Variants in KLHL26 observed in about 807,000 individuals in gnomAD.
The protein encoded by KLHL26 is kelch like family member 26, also known as kelch-like protein 26.
Under a neutral mutation model 7.1 loss-of-function variants are expected in KLHL26, and 4 were observed. The observed-to-expected ratio is 0.56, with a 90% CI of 0.28 to 1.28. The LOEUF (loss-of-function observed/expected upper bound fraction) is 1.28. Ranked by LOEUF, KLHL26 falls within the 50% of genes most tolerant of loss-of-function variation. KLHL26 has a pLI of 0.11. For synonymous variants in KLHL26, 465 were observed against 414.1 expected (o/e 1.12, Z -1.49); for missense variants, 896 against 924.6 (o/e 0.97, Z 0.40).
chr19:18,656,147 G>A lies in KLHL26; in HGVS notation c.84-8114G>A, dbSNP rs1434923893. On this transcript the variant is annotated intron_variant, in intron 1 of 2. Transcript: ENST00000300976. The surrounding 1 kb of genome is among the most constrained non-coding windows in gnomAD (Gnocchi z 4.4). ...CAAGGCTCAGGAAAGGGGAGGCCAC[G>A]CAGCTTGCCCTGGCTTCATGGTGGG... Among the ~76,000 whole-genome samples, 1 of 152,150 alleles carries A rather than the reference G, an allele frequency of 6.6e-6. No individual in the cohort carries two copies. The highest frequency in any genetic ancestry group is 1.5e-5 in the Non-Finnish European group (1 of 68,026).
At chr19:18,642,619 C>T (rs1052447720) in intron 1 of KLHL26, among the ~76,000 whole-genome samples, 2 of 152,064 alleles carry the variant, frequency 1.3e-5, no homozygotes, top group African/African-American at 4.8e-5. Context: ...CTGCCTGGGC[C>T]TCCCAAAGTG....
chr19:18,664,454 G>T lies in KLHL26; in HGVS notation c.266+11G>T. ...CAGCGACTACTTCAGGTAAGTGCTG[G>T]CCCCAGGCAGCTGGAAGGGGCGGCT... On this transcript the variant is annotated intron_variant, in intron 2 of 2. Transcript: ENST00000300976. The T allele has an allele frequency of 6.5e-7, 1 of 1,543,808 alleles. No homozygotes were observed.
Position 18,648,156 on chromosome 19 carries a change from G to A in KLHL26, c.83+11019G>A, listed in dbSNP as rs1976838345. ...GGCCAAGGCGGGTAGATCACTTGAG[G>A]TCAGGAGTTCGAGACCAGCCTGGGC... On this transcript the variant is annotated intron_variant, in intron 1 of 2. Transcript: ENST00000300976. This position sits in a 1 kb window ranked among gnomAD's most constrained non-coding sequence, Gnocchi z 4.9. Among the ~76,000 whole-genome samples the A allele has an allele frequency of 6.6e-6, 1 of 152,282 alleles. No homozygotes were observed. Among genetic ancestry groups the A allele is most frequent in the East Asian group, 1.9e-4 (1 of 5,174 alleles).
intron 1 of KLHL26, among the ~76,000 whole-genome samples, chr19:18,640,316 C>A (rs901757624): frequency 2.0e-5 from 3 of 151,794 alleles, no homozygotes; most frequent in Non-Finnish European, 2.9e-5. Context: ...CTTACTGTAG[C>A]CTCTACCTCC....
Position 18,643,565 on chromosome 19 carries a change from G to A in KLHL26, c.83+6428G>A, listed in dbSNP as rs913649459. Among the ~76,000 whole-genome samples the A allele has an allele frequency of 6.6e-5, 10 of 151,292 alleles. No homozygotes were observed. In the South Asian group the frequency reaches 1.3e-3, roughly 19 times the overall value. On this transcript the variant is annotated intron_variant, in intron 1 of 2. Transcript: ENST00000300976. ...ATGATCTCGGTTCACCAAAACATCC[G>A]CCTCCTGGGTTCAAGCGATTCTCCT...
rs1976860636 is a variant in KLHL26 at position 18,649,355 on chromosome 19, G to A, written c.83+12218G>A. The stretch of plus-strand genomic sequence containing the variant: ...CGAACAGTCTTCGATGCATACCAGA[G>A]GGGAAGCCTCCTGGCATAGCTCTGC... On this transcript the variant is annotated intron_variant, in intron 1 of 2. Coordinates refer to ENST00000300976, the MANE Select transcript of KLHL26 (RefSeq NM_018316.3). The surrounding 1 kb of genome is among the most constrained non-coding windows in gnomAD (Gnocchi z 4.0). Among the ~76,000 whole-genome samples the A allele has an allele frequency of 6.6e-6, 1 of 152,168 alleles. No homozygotes were observed. The highest frequency in any genetic ancestry group is 2.4e-5 in the African/African-American group (1 of 41,430).
At chr19:18,658,341 G>T (rs893487015) in intron 1 of KLHL26, among the ~76,000 whole-genome samples, 1 of 151,766 alleles carries the variant, frequency 6.6e-6, no homozygotes, top group African/African-American at 2.4e-5. Context: ...GGGATTCCAG[G>T]CCCCCCACAG....
Position 18,668,895 on chromosome 19 carries a change from C to G in KLHL26, c.1498C>G (p.Leu500Val), listed in dbSNP as rs781757798. The G allele has an allele frequency of 1.9e-6, 3 of 1,602,166 alleles. No homozygotes were observed. The South Asian group carries it at 3.3e-5, about 18-fold the overall frequency. ...GGCGCCCATGAGCGAACCCCGCGTG[C>G]TACACGCCATGGTGGGTGCCGGCGG... ...FKAPMSEPRVLHAMVGAGGRI... is the reference protein window; with the variant it reads ...FKAPMSEPRVVHAMVGAGGRI... The change falls in exon 3 of 3, where the codon CTA becomes GTA. Residue 500 changes from leucine to valine, a missense_variant. Leu to Val is a conservative substitution (Grantham distance 32). Transcript: ENST00000300976.
Position 18,668,687 on chromosome 19 carries a change from GGA to G in KLHL26, c.1292_1293del (p.Glu431AlafsTer8), listed in dbSNP as rs1400060747. On this transcript the variant is annotated frameshift_variant, in exon 3 of 3. Transcript: ENST00000300976. LOFTEE classifies it low-confidence loss of function (END_TRUNC). ...RNRAGSLASV[E>X]RYCPRRNEWG... The stretch of plus-strand genomic sequence containing the variant: ...ACCGAGCCGGCAGCCTGGCCTCCGT[GGA>G]GCGGTACTGCCCCCGGCGCAATGAG... 1 of 1,575,992 alleles carries G rather than the reference GGA, an allele frequency of 6.3e-7. No individual in the cohort carries two copies. Among genetic ancestry groups the G allele is most frequent in the Admixed American group, 1.7e-5 (1 of 57,482 alleles).
At chr19:18,662,645 C>T (rs1218966134) in intron 1 of KLHL26, among the ~76,000 whole-genome samples, 2 of 152,152 alleles carry the variant, frequency 1.3e-5, no homozygotes, top group Non-Finnish European at 2.9e-5. Context: ...GCATGCCATT[C>T]GTGGGAAGCA....
At chr19:18,658,796 G>T (rs933642540) in intron 1 of KLHL26, among the ~76,000 whole-genome samples, 9 of 140,358 alleles carry the variant, frequency 6.4e-5, no homozygotes, top group African/African-American at 2.4e-4. Context: ...TCTCTCTCTG[G>T]GTTTTTTTCT....
At chr19:18,642,207 ACCT>A (rs1976724328) in intron 1 of KLHL26, among the ~76,000 whole-genome samples, 1 of 151,718 alleles carries the variant, frequency 6.6e-6, no homozygotes, top group Non-Finnish European at 1.5e-5. Context: ...AGCACGACCC[ACCT>A]CCTCGCCTCA....
At chr19:18,654,742 TACCCATCCATTC>T (rs1351295074) in intron 1 of KLHL26, among the ~76,000 whole-genome samples, 1 of 151,048 alleles carries the variant, frequency 6.6e-6, no homozygotes. Context: ...TCCACCCACT[TACCCATCCATTC>T]ACCCGCCCAT....
In KLHL26 at chr19:18,667,191, ACT is replaced by A. The variant is rs869176796; in HGVS notation, c.267-470_267-469del. On this transcript the variant is annotated intron_variant, in intron 2 of 2. Transcript: ENST00000300976. ...TTTTGTTTGTTTGAGACAGAGTCTC[ACT>A]CTTATTGTCCAGGCTGCAGTGCAGC... is the stretch of plus-strand genomic sequence containing the variant. Among the ~76,000 whole-genome samples the A allele has an allele frequency of 2.3e-4, 35 of 149,192 alleles. No homozygotes were observed. The East Asian group carries it at 4.9e-3, about 21-fold the overall frequency.
At chr19:18,651,140 A>G (rs1445288183) in intron 1 of KLHL26, among the ~76,000 whole-genome samples, 1 of 152,170 alleles carries the variant, frequency 6.6e-6, no homozygotes, top group African/African-American at 2.4e-5. Context: ...TTGGGGTGCA[A>G]GGTCTGAAGG....
At position 18,667,644 on chromosome 19, in the gene KLHL26, G is replaced by A. The variant is rs201898161; in HGVS notation, c.267-20G>A. 5 of 1,597,760 alleles carry A rather than the reference G, an allele frequency of 3.1e-6. No homozygotes were observed. Among genetic ancestry groups the A allele is most frequent in the Admixed American group, 3.4e-5 (2 of 59,210 alleles). ...ACCCCTCAGCCACTGCCAGCCACAC[G>A]TTGTGTTTCTGCCCTTCAGGGCCAT... On this transcript the variant is annotated intron_variant, in intron 2 of 2. Transcript: ENST00000300976.
chr19:18,642,777 G>A (rs1207717540), intron 1 of KLHL26, among the ~76,000 whole-genome samples: 1 of 150,234 alleles, frequency 6.7e-6, no homozygotes, highest in African/African-American at 2.5e-5. Flanking sequence ...CTGGGCTCAA[G>A]CTATCCTTCT....
At chr19:18,640,037 G>A (rs527555028) in intron 1 of KLHL26, among the ~76,000 whole-genome samples, 15 of 150,736 alleles carry the variant, frequency 1.0e-4, no homozygotes, top group South Asian at 2.1e-4. Flanking sequence ...AACTGTGTCC[G>A]TCCATACAAT....
At position 18,670,061 on chromosome 19, in the gene KLHL26, A is replaced by T. The variant is rs765225576; in HGVS notation, c.*816A>T. ...GTCCCCTTCCCGCAATTGGAGGGCG[A>T]CGCTAACTTCAGAATCCCATAGTGG... is the stretch of plus-strand genomic sequence containing the variant. On this transcript the variant is annotated 3_prime_UTR_variant, in exon 3 of 3. Coordinates refer to ENST00000300976, the MANE Select transcript of KLHL26 (RefSeq NM_018316.3). 1 of 152,202 alleles carries T rather than the reference A, an allele frequency of 6.6e-6. No homozygotes were observed. Among genetic ancestry groups the T allele is most frequent in the Non-Finnish European group, 1.5e-5 (1 of 68,046 alleles). 9.4% of individuals were successfully genotyped at this position (152,202 alleles called of 1,614,324 possible).
Sources: allele counts gnomAD v4.1 joint callset (sites outside exome capture counted in the v4.1 genomes callset), GRCh38; gene constraint gnomAD v4.1.1; non-coding constraint Gnocchi (gnomAD v3.1); transcripts MANE v1.5; gene names NCBI Gene and HGNC (gene_info 2026-07-23, HGNC 2026-07-21).